Variants in DNAH7 observed in about 807,000 individuals in gnomAD.
DNAH7 encodes axonemal beta dynein heavy chain 7.
DNAH7 carries 397 observed loss-of-function variants against 444.6 expected under a neutral mutation model. That is an observed-to-expected ratio of 0.89 (90% CI 0.82 to 0.97). The LOEUF (loss-of-function observed/expected upper bound fraction) is 0.97. Ranked by LOEUF, DNAH7 falls within the 50% of genes least tolerant of loss-of-function variation. The probability of loss-of-function intolerance (pLI) is 0.00; values close to 1 mark genes in which losing one functional copy is unlikely to be tolerated. For missense variants in DNAH7, 4,902 were observed against 4,800.8 expected (o/e 1.02, Z -0.62); for synonymous variants, 1,636 against 1,624.4 (o/e 1.01, Z -0.17).
In DNAH7 at chr2:196,020,970, A is replaced by G. The variant is rs572267671; in HGVS notation, c.744-1675T>C. On this transcript the variant is annotated intron_variant, in intron 8 of 64. Transcript: ENST00000312428. ...AAAACTGAAGTGGTTATTTAATCAT[A>G]TAAGTTCCATCCTTCAAACTATTTA... 7.2e-5 allele frequency among the ~76,000 whole-genome samples: 11 copies of G among 152,322 alleles called. No individual in the cohort carries two copies. In the East Asian group the frequency reaches 7.7e-4, roughly 11 times the overall value.
intron 5 of DNAH7, among the ~76,000 whole-genome samples, 182 bp from the exon 6 acceptor site, chr2:196,028,229 A>T (rs1278705485): frequency 2.0e-5 from 3 of 152,184 alleles, no homozygotes; most frequent in Non-Finnish European, 2.9e-5. Context: ...TACTTTATTC[A>T]TAGAGAGACA....
chr2:196,058,983 A>C (rs1251399424), intron 1 of DNAH7, among the ~76,000 whole-genome samples: 4 of 152,200 alleles, frequency 2.6e-5, no homozygotes, highest in Non-Finnish European at 5.9e-5. Flanking sequence ...GGATAAACAG[A>C]GATCAAGGGA....
At chr2:195,812,134 T>C (rs943204792) in intron 51 of DNAH7, among the ~76,000 whole-genome samples, 4 of 152,162 alleles carry the variant, frequency 2.6e-5, no homozygotes, top group African/African-American at 9.6e-5. Context: ...CAGGGAAGAC[T>C]GTTTTCCTTG....
At chr2:195,824,485 A>G (rs1697622757) in intron 48 of DNAH7, 40 bp from the exon 49 acceptor site, 1 of 1,506,364 alleles carries the variant, frequency 6.6e-7, no homozygotes, top group Non-Finnish European at 9.0e-7. Flanking sequence ...TATTTTAAAT[A>G]TTGACTATAA....
At chr2:195,895,254 T>C in intron 29 of DNAH7, 30 bp from the exon 30 acceptor site, 3 of 1,440,320 alleles carry the variant, frequency 2.1e-6, no homozygotes, top group South Asian at 1.4e-5. Flanking sequence ...AGGATTTACA[T>C]TTTATATATT....
intron 48 of DNAH7, among the ~76,000 whole-genome samples, chr2:195,828,732 A>G (rs1697915975): frequency 6.6e-6 from 1 of 151,356 alleles, no homozygotes; most frequent in South Asian, 2.1e-4. Context: ...CATCTGGAAC[A>G]TATTTTGGTG....
Position 195,861,928 on chromosome 2 carries a change from G to A in DNAH7, c.7525C>T (p.Leu2509Phe). 6.2e-7 allele frequency: 1 copy of A among 1,613,482 alleles called. No individual in the cohort carries two copies. The highest frequency in any genetic ancestry group is 8.5e-7 in the Non-Finnish European group (1 of 1,179,492). The change falls in exon 42 of 65, where the codon CTC becomes TTC. Residue 2509 changes from leucine to phenylalanine, a missense_variant. Coordinates refer to ENST00000312428, the MANE Select transcript of DNAH7 (RefSeq NM_018897.3). ...DWFQSWPEDALQAVASRFLEE... is the reference protein window; with the variant it reads ...DWFQSWPEDAFQAVASRFLEE... Reference sequence around the variant, plus strand: ...AAGAATCGTGAGGCAACTGCCTGGAGTGCATCTTCAGGCCATGACTAAATG... The same window carrying A: ...AAGAATCGTGAGGCAACTGCCTGGAATGCATCTTCAGGCCATGACTAAATG...
At chr2:195,743,802 T>C (rs1693199714) in intron 63 of DNAH7, among the ~76,000 whole-genome samples, 1 of 9,176 alleles carries the variant, frequency 1.1e-4, no homozygotes, top group South Asian at 0.014. Context: ...AAACGTATAT[T>C]GTGCATTGGT....
intron 62 of DNAH7, among the ~76,000 whole-genome samples, chr2:195,755,851 T>C (rs930226766): frequency 4.6e-5 from 7 of 152,210 alleles, no homozygotes; most frequent in African/African-American, 1.7e-4. Flanking sequence ...CACTGGAAGC[T>C]TGACTGGCTT....
At position 195,858,580 on chromosome 2, in the gene DNAH7, T is replaced by A; in HGVS notation, c.7961A>T (p.Gln2654Leu). The change falls in exon 43 of 65, where the codon CAA becomes CTA. Residue 2654 changes from glutamine to leucine, a missense_variant. Physicochemically the swap from Gln to Leu is moderately radical, Grantham distance 113. Transcript: ENST00000312428. The part of the protein sequence containing the change: ...VKADETIANE[Q>L]AMASKAIKDE... ...TTTGATGGCTTTGGAAGCCATAGCT[T>A]GTTCATTCGCTATTGTTTCATCAGC... 1.2e-6 allele frequency: 2 copies of A among 1,614,028 alleles called. No homozygotes were observed. The highest frequency in any genetic ancestry group is 1.7e-6 in the Non-Finnish European group (2 of 1,179,954).
intron 57 of DNAH7, among the ~76,000 whole-genome samples, chr2:195,790,369 C>A (rs1695821567): frequency 6.6e-6 from 1 of 151,220 alleles, no homozygotes; most frequent in Admixed American, 6.6e-5. Context: ...ATAGCCAAAG[C>A]AATCCTAAGC....
Position 195,936,762 on chromosome 2 carries a change from C to G in DNAH7, c.3109G>C (p.Asp1037His). The change falls in exon 20 of 65, where the codon GAC becomes CAC. Residue 1037 changes from aspartate (D) to histidine (H), a missense_variant. Asp to His is a moderately conservative substitution (Grantham distance 81). Coordinates refer to ENST00000312428, the MANE Select transcript of DNAH7 (RefSeq NM_018897.3). ...DKHVLTVVTI[D>H]RMLERLKKSN... is the part of the protein sequence containing the mutation. ...TTTTTCAGCCTTTCCAGCATTCTGT[C>G]AATGGTTACAACTGTCAGAACATGT... 6.3e-7 allele frequency: 1 copy of G among 1,581,526 alleles called. No homozygotes were observed. The highest frequency in any genetic ancestry group is 8.6e-7 in the Non-Finnish European group (1 of 1,166,962).
rs1303497270 is a variant in DNAH7, at chr2:195,864,219, C to T, written c.7436G>A (p.Gly2479Glu). 6.2e-7 allele frequency: 1 copy of T among 1,614,054 alleles called. No homozygotes were observed. The highest frequency in any genetic ancestry group is 1.3e-5 in the African/African-American group (1 of 74,910). Residue 2479 changes from glycine to glutamate, a missense_variant, in exon 41 of 65, where the codon GGA becomes GAA. Coordinates refer to ENST00000312428, the MANE Select transcript of DNAH7 (RefSeq NM_018897.3). ...TCTAAGACGATTCCGAAATGCATCTCCAATGGGACTCATGGCAAGGACCAC... is the reference window on the plus strand; with the variant it reads ...TCTAAGACGATTCCGAAATGCATCTTCAATGGGACTCATGGCAAGGACCAC... ...LHVVLAMSPI[G>E]DAFRNRLRKF...
intron 12 of DNAH7, chr2:195,994,494 T>A: frequency 2.0e-6 from 1 of 496,006 alleles, no homozygotes; most frequent in Admixed American, 2.5e-5. Flanking sequence ...ATGTCCTGTG[T>A]TGGTTGAATC....
chr2:196,013,006 TA>T, intron 9 of DNAH7, 100 bp from the exon 10 acceptor site: 3 of 837,242 alleles, frequency 3.6e-6, no homozygotes, highest in South Asian at 6.7e-5. Flanking sequence ...TTCCTAGGTT[TA>T]ATCATTAAAA....
chr2:196,042,515 C>A (rs887428777), intron 5 of DNAH7, among the ~76,000 whole-genome samples: 1 of 151,808 alleles, frequency 6.6e-6, no homozygotes, highest in African/African-American at 2.4e-5. Context: ...ACAGCAGCAG[C>A]AAACTACGCA....
chr2:195,931,619 C>A (rs1199602161), intron 21 of DNAH7, among the ~76,000 whole-genome samples: 3 of 151,746 alleles, frequency 2.0e-5, no homozygotes, highest in Non-Finnish European at 2.9e-5. Flanking sequence ...AGGAAGGGAT[C>A]CAGTTTCAGC....
chr2:195,756,282 G>GC lies in DNAH7; in HGVS notation c.11436dup (p.Leu3813AlafsTer9). On this transcript the variant is annotated frameshift_variant, in exon 62 of 65. Coordinates refer to ENST00000312428, the MANE Select transcript of DNAH7 (RefSeq NM_018897.3). LOFTEE classifies it high-confidence loss of function. ...TCAAGATCTGTAGACATGACTGCAA[G>GC]CCCCTGAAACACATTTAACCTTGGT... 1 of 1,606,742 alleles carries GC rather than the reference G, an allele frequency of 6.2e-7. No individual in the cohort carries two copies. The highest frequency in any genetic ancestry group is 8.5e-7 in the Non-Finnish European group (1 of 1,175,766).
chr2:195,894,016 A>G (rs1331538509), intron 30 of DNAH7: 1 of 152,182 alleles, frequency 6.6e-6, no homozygotes, highest in East Asian at 1.9e-4. Context: ...GAAGTGAAAA[A>G]ATGGAAGAAA....
Sources: allele counts gnomAD v4.1 joint callset (sites outside exome capture counted in the v4.1 genomes callset), GRCh38; gene constraint gnomAD v4.1.1; transcripts MANE v1.5; gene names NCBI Gene and HGNC (gene_info 2026-07-23, HGNC 2026-07-21).